Variants in CSNK1E observed in about 807,000 individuals in gnomAD.
CSNK1E encodes the protein casein kinase I isoform epsilon.
A neutral mutation model predicts 46.1 loss-of-function variants in CSNK1E; 17 were observed. That is an observed-to-expected ratio of 0.37 (90% CI 0.25 to 0.55). The LOEUF (loss-of-function observed/expected upper bound fraction) is 0.55, where lower values mean the gene tolerates loss of function less well. Among genes scored for constraint, CSNK1E ranks in the 20% least tolerant of loss-of-function variants. The pLI is 0.82. For synonymous variants in CSNK1E, 241 were observed against 242.6 expected, an observed-to-expected ratio of 0.99 and a Z score of 0.06; for missense variants, 386 against 595.4, an observed-to-expected ratio of 0.65 and a Z score of 3.66.
rs776909642 is a variant in CSNK1E, at chr22:38,294,566, C to T, written c.886-32G>A. The T allele has an allele frequency of 1.3e-6, 2 of 1,548,980 alleles. No homozygotes were observed. The highest frequency in any genetic ancestry group is 1.2e-5 in the South Asian group (1 of 83,818). ...GGATGCAAGAAAAGACACCAGTCAG[C>T]CCCAGAGGCCAGGGTGCTCTGGGCC... On this transcript the variant is annotated intron_variant, in intron 7 of 10. Coordinates refer to ENST00000396832, the MANE Select transcript of CSNK1E (RefSeq NM_152221.3). This position sits in a 1 kb window ranked among gnomAD's most constrained non-coding sequence, Gnocchi z 5.5.
At chr22:38,293,356 G>A (rs374879706) in intron 9 of CSNK1E, 37 bp from the exon 10 acceptor site, 79 of 1,336,462 alleles carry the variant, frequency 5.9e-5, no homozygotes, top group Non-Finnish European at 7.6e-5. Flanking sequence ...GGGAGGGAGA[G>A]AGAGGGAGGT....
rs1232577334 is a variant in CSNK1E at position 38,309,276 on chromosome 22, T to G, written c.76+4806A>C. ...GCCACTACAGAGACCAGGCAAGAGC[T>G]GACGGTGGCCCTGCCTGGGCAGGGT... On this transcript the variant is annotated intron_variant, in intron 2 of 10. Coordinates refer to ENST00000396832, the MANE Select transcript of CSNK1E (RefSeq NM_152221.3). The surrounding 1 kb of genome is among the most constrained non-coding windows in gnomAD (Gnocchi z 4.8). Among the ~76,000 whole-genome samples, 1 of 152,150 alleles carries G rather than the reference T, an allele frequency of 6.6e-6. No homozygotes were observed. The highest frequency in any genetic ancestry group is 1.5e-5 in the Non-Finnish European group (1 of 68,022).
chr22:38,303,004 T>C lies in CSNK1E; in HGVS notation c.193A>G (p.Ile65Val). ...FYKMMQGGVG[I>V]PSIKWCGAEG... ...GCTCCGCACCACTTGATGGACGGGA[T>C]CCCCACTGGGGGTCAAGCAGAGGGC... The change falls in exon 4 of 11, where the codon ATC becomes GTC. Residue 65 changes from isoleucine to valine, a missense_variant. Ile to Val is a conservative substitution (Grantham distance 29). Around this residue, in one of 2 missense-constraint regions of CSNK1E, gnomAD observed 212 missense variants for 410.2 expected, o/e 0.52. Transcript: ENST00000396832. This position sits in a 1 kb window ranked among gnomAD's most constrained non-coding sequence, Gnocchi z 4.7. The C allele has an allele frequency of 6.2e-7, 1 of 1,613,614 alleles. No homozygotes were observed. Among genetic ancestry groups the C allele is most frequent in the Non-Finnish European group, 8.5e-7 (1 of 1,179,912 alleles).
intron 7 of CSNK1E, chr22:38,296,143 C>T (rs2092639315): frequency 1.7e-5 from 17 of 991,130 alleles, no homozygotes; most frequent in Non-Finnish European, 2.0e-5. Context: ...AGCCCCGAGG[C>T]AAGAAGTGGG....
At chr22:38,302,533 A>C (rs920533492) in intron 4 of CSNK1E, among the ~76,000 whole-genome samples, 5 of 152,080 alleles carry the variant, frequency 3.3e-5, no homozygotes, top group African/African-American at 7.2e-5. Context: ...TCACTTGGTA[A>C]AACTCTGTCT....
At chr22:38,311,999 T>A (rs1002025884) in intron 2 of CSNK1E, among the ~76,000 whole-genome samples, 1 of 152,160 alleles carries the variant, frequency 6.6e-6, no homozygotes, top group Non-Finnish European at 1.5e-5. Context: ...AGACAGCGTT[T>A]CACCATGTTG....
Position 38,300,989 on chromosome 22 carries a change from C to CCCTT in CSNK1E, c.337-41_337-38dup. On this transcript the variant is annotated intron_variant, in intron 4 of 10. Coordinates refer to ENST00000396832, the MANE Select transcript of CSNK1E (RefSeq NM_152221.3). This position sits in a 1 kb window ranked among gnomAD's most constrained non-coding sequence, Gnocchi z 4.4. ...GGGGGCCATTTGTTCAACAGAGGGG[C>CCCTT]CCTTGCCTAGCACTCTGGGCCAGGC... The CCCTT allele has an allele frequency of 6.3e-7, 1 of 1,579,616 alleles. No individual in the cohort carries two copies. The highest frequency in any genetic ancestry group is 8.7e-7 in the Non-Finnish European group (1 of 1,149,470).
chr22:38,301,996 C>T (rs1307155193), intron 4 of CSNK1E, among the ~76,000 whole-genome samples: 2 of 152,178 alleles, frequency 1.3e-5, no homozygotes, highest in Non-Finnish European at 2.9e-5. Context: ...CCTCCCTATG[C>T]TGATGAAGGG....
At chr22:38,315,803 G>A (rs986440460) in intron 1 of CSNK1E, among the ~76,000 whole-genome samples, 2 of 152,074 alleles carry the variant, frequency 1.3e-5, no homozygotes, top group Admixed American at 6.5e-5. Context: ...ATAAATACCC[G>A]TGCCCTCTGT....
chr22:38,301,068 C>A lies in CSNK1E; in HGVS notation c.337-116G>T, dbSNP rs552867311. 62 of 822,736 alleles carry A rather than the reference C, an allele frequency of 7.5e-5. No individual in the cohort carries two copies. In the Admixed American group the frequency reaches 1.2e-3, roughly 16 times the overall value. The allele number at this position is 822,736 out of a possible 1,614,324, so 51.0% of individuals were successfully genotyped here. A position where few individuals can be genotyped will look rare whatever the true frequency, so the allele number is the denominator to read the frequency against. On this transcript the variant is annotated intron_variant, in intron 4 of 10. Coordinates refer to ENST00000396832, the MANE Select transcript of CSNK1E (RefSeq NM_152221.3). ...CAGAGGGAGAAAGGCCTGCCTTCGA[C>A]CATGAAGGATAACTAAGGGGCAGGC...
chr22:38,315,893 G>A (rs907091716), intron 1 of CSNK1E, among the ~76,000 whole-genome samples: 3 of 151,900 alleles, frequency 2.0e-5, no homozygotes, highest in African/African-American at 4.8e-5. Context: ...GAACGAGAGC[G>A]GGAAGGGGCA....
rs780653845 is a variant in CSNK1E at position 38,300,028 on chromosome 22, G to A, written c.603C>T (p.Tyr201=). 56 of 1,614,004 alleles carry A rather than the reference G, an allele frequency of 3.5e-5. No homozygotes were observed. In the Admixed American group the frequency reaches 7.0e-4, roughly 20 times the overall value. ...SRRDDLESLG[Y]VLMYFNLGSL... is the part of the protein sequence containing the mutation. Reference sequence around the variant, plus strand: ...AGCCCAGGTTGAAGTACATGAGCACGTAGCCCAGGCTCTCCAGGTCATCTC... The same window carrying A: ...AGCCCAGGTTGAAGTACATGAGCACATAGCCCAGGCTCTCCAGGTCATCTC... The change falls in exon 6 of 11, where the codon TAC becomes TAT. Residue 201 remains tyrosine, a synonymous_variant. Transcript: ENST00000396832. The surrounding 1 kb of genome is among the most constrained non-coding windows in gnomAD (Gnocchi z 4.4).
At chr22:38,299,163 C>T (rs991103154) in intron 6 of CSNK1E, among the ~76,000 whole-genome samples, 5 of 152,224 alleles carry the variant, frequency 3.3e-5, no homozygotes, top group African/African-American at 7.2e-5. Context: ...GACCTGCGAA[C>T]AGTGGCCAGG....
intron 1 of CSNK1E, among the ~76,000 whole-genome samples, chr22:38,315,065 A>G (rs2092738099): frequency 6.6e-6 from 1 of 152,198 alleles, no homozygotes; most frequent in South Asian, 2.1e-4. Context: ...GACTAGCAAG[A>G]GGGAACTCCT....
At position 38,294,359 on chromosome 22, in the gene CSNK1E, G is replaced by A. The variant is rs1458102262; in HGVS notation, c.1061C>T (p.Ser354Phe). ...AAEPVASTPA[S>F]RIQPAGNTSP... Reference sequence around the variant, plus strand: ...CTGCTCACCAGCCGGCTGGATGCGGGAGGCTGGCGTGGAAGCCACGGGCTC... The same window carrying A: ...CTGCTCACCAGCCGGCTGGATGCGGAAGGCTGGCGTGGAAGCCACGGGCTC... Residue 354 changes from serine to phenylalanine, a missense_variant, in exon 8 of 11, where the codon TCC becomes TTC. Around this residue, in one of 2 missense-constraint regions of CSNK1E, gnomAD observed 174 missense variants for 185.2 expected, o/e 0.94. Coordinates refer to ENST00000396832, the MANE Select transcript of CSNK1E (RefSeq NM_152221.3). This position sits in a 1 kb window ranked among gnomAD's most constrained non-coding sequence, Gnocchi z 5.5. 1.3e-6 allele frequency: 2 copies of A among 1,568,352 alleles called. No individual in the cohort carries two copies. The highest frequency in any genetic ancestry group is 1.7e-6 in the Non-Finnish European group (2 of 1,160,244).
intron 2 of CSNK1E, among the ~76,000 whole-genome samples, chr22:38,307,032 G>A (rs1046631395): frequency 5.9e-5 from 9 of 152,046 alleles, no homozygotes; most frequent in Non-Finnish European, 1.3e-4. Flanking sequence ...TTAGCCAGGC[G>A]TGGTAGCACG....
In CSNK1E at chr22:38,298,080, C is replaced by CAA; in HGVS notation, c.885+705_885+706insTT. ...GGCAAATTTTGGAAAAGCCAGACCTCAGAGGATCCTTACCAGTACGTGGGT... is the reference window on the plus strand; with the variant it reads ...GGCAAATTTTGGAAAAGCCAGACCTCAAAGAGGATCCTTACCAGTACGTGGGT... On this transcript the variant is annotated intron_variant, in intron 7 of 10. Transcript: ENST00000396832. The surrounding 1 kb of genome is among the most constrained non-coding windows in gnomAD (Gnocchi z 4.2). 8.4e-7 allele frequency: 1 copy of CAA among 1,189,026 alleles called. No individual in the cohort carries two copies. The highest frequency in any genetic ancestry group is 1.1e-6 in the Non-Finnish European group (1 of 930,856). 73.7% of individuals were successfully genotyped at this position (1,189,026 alleles called of 1,614,324 possible).
chr22:38,313,994 A>T, intron 2 of CSNK1E, 88 bp downstream of exon 2: 2 of 1,218,290 alleles, frequency 1.6e-6, no homozygotes, highest in Non-Finnish European at 2.4e-6. Flanking sequence ...CCACATTCTG[A>T]CTTCAGATCC....
intron 10 of CSNK1E, chr22:38,292,653 C>G (rs1020561699): frequency 6.5e-5 from 10 of 153,632 alleles, no homozygotes; most frequent in African/African-American, 2.4e-4. Flanking sequence ...CAGATTATAC[C>G]CTCGAGAAGC....
Sources: allele counts gnomAD v4.1 joint callset (sites outside exome capture counted in the v4.1 genomes callset), GRCh38; gene constraint gnomAD v4.1.1; regional missense constraint gnomAD v4.1.1; non-coding constraint Gnocchi (gnomAD v3.1); transcripts MANE v1.5; gene names NCBI Gene and HGNC (gene_info 2026-07-23, HGNC 2026-07-21).